MYO7A: variants seen among roughly 807,000 people sequenced by gnomAD.
MYO7A encodes unconventional myosin-VIIa.
A neutral mutation model predicts 263.8 loss-of-function variants in MYO7A; 210 were observed. That is an observed-to-expected ratio of 0.80 (90% CI 0.71 to 0.89). MYO7A has a LOEUF of 0.89. Ranked by LOEUF, MYO7A falls within the 40% of genes least tolerant of loss-of-function variation. MYO7A has a pLI of 0.00. For missense variants in MYO7A, 2,820 were observed against 2,968.3 expected (o/e 0.95, Z 1.16); for synonymous variants, 1,239 against 1,197.3 (o/e 1.03, Z -0.72).
Position 77,179,110 on chromosome 11 carries a change from G to T in MYO7A, c.2348G>T (p.Cys783Phe), listed in dbSNP as rs376014415. Residue 783 changes from cysteine to phenylalanine, a missense_variant, in exon 20 of 49, where the codon TGT becomes TTT. Coordinates refer to ENST00000409709, the MANE Select transcript of MYO7A (RefSeq NM_000260.4). ...LIQRHWRGHN[C>F]RKNYGLMRLG... ...CAGAGGCACTGGCGGGGTCACAACT[G>T]TAGGAAGAACTACGGGCTGGTGAGC... is the stretch of plus-strand genomic sequence containing the variant. The T allele has an allele frequency of 5.0e-6, 8 of 1,604,268 alleles. No individual in the cohort carries two copies. Among genetic ancestry groups the T allele is most frequent in the Non-Finnish European group, 6.8e-6 (8 of 1,175,786 alleles).
chr11:77,211,969 AGGG>A (rs1320771190), intron 46 of MYO7A, 32 bp downstream of exon 46: 8 of 1,542,134 alleles, frequency 5.2e-6, no homozygotes, highest in Non-Finnish European at 7.2e-6. Context: ...GCAGAGGAGG[AGGG>A]GAACAGGGCA....
chr11:77,163,065 A>G, intron 14 of MYO7A, 77 bp downstream of exon 14: 3 of 1,511,276 alleles, frequency 2.0e-6, no homozygotes, highest in Non-Finnish European at 2.7e-6. Context: ...GGAATAAGAT[A>G]TCCGGAATTT....
At chr11:77,150,226 G>GC (rs1417356518) in intron 4 of MYO7A, among the ~76,000 whole-genome samples, 1 of 152,246 alleles carries the variant, frequency 6.6e-6, no homozygotes, top group Non-Finnish European at 1.5e-5. Flanking sequence ...CGGGCCCCCT[G>GC]CAGACCAGTG....
intron 2 of MYO7A, chr11:77,142,409 G>A: frequency 6.5e-6 from 3 of 461,882 alleles, no homozygotes; most frequent in South Asian, 3.4e-5. Flanking sequence ...CACATGTAGG[G>A]TGTAGATCCA....
In MYO7A at chr11:77,194,366, G is replaced by A; in HGVS notation, c.4165G>A (p.Ala1389Thr). The A allele has an allele frequency of 6.2e-7, 1 of 1,612,092 alleles. No homozygotes were observed. The highest frequency in any genetic ancestry group is 8.5e-7 in the Non-Finnish European group (1 of 1,179,078). ...TCCCCCCACCTAGGAGGACGACCTG[G>A]CTGAGCTGGCCTCCCAGCAGTACTT... ...EYRCEKEDDL[A>T]ELASQQYFVD... The change falls in exon 32 of 49, where the codon GCT becomes ACT. Residue 1389 changes from alanine to threonine, a missense_variant. Physicochemically the swap from Ala to Thr is moderately conservative, Grantham distance 58 (BLOSUM62 0). Transcript: ENST00000409709.
In MYO7A at chr11:77,162,105, C is replaced by T. The variant is rs567100465; in HGVS notation, c.1344-15C>T. ...GCCTGAACAACACCCTTACCCCATCCCTGTGCCCCTGCAGCTTTGAGCAGC... is the reference window on the plus strand; with the variant it reads ...GCCTGAACAACACCCTTACCCCATCTCTGTGCCCCTGCAGCTTTGAGCAGC... On this transcript the variant is annotated splice_polypyrimidine_tract_variant and intron_variant, in intron 12 of 48. Coordinates refer to ENST00000409709, the MANE Select transcript of MYO7A (RefSeq NM_000260.4). 6.3e-6 allele frequency: 10 copies of T among 1,586,054 alleles called. No homozygotes were observed. The South Asian group carries it at 8.1e-5, about 13-fold the overall frequency.
In MYO7A at chr11:77,162,914, TC is replaced by T. The variant is rs782077721; in HGVS notation, c.1623del (p.Lys542ArgfsTer80). The part of the protein sequence containing the change: ...NSQHKLNANY[I>X]PPKNNHETQF... ...CAGCACAAGCTCAACGCCAACTACA[TC>T]CCCCCCAAGAACAACCATGAGACCC... On this transcript the variant is annotated frameshift_variant, in exon 14 of 49. Coordinates refer to ENST00000409709, the MANE Select transcript of MYO7A (RefSeq NM_000260.4). LOFTEE classifies it high-confidence loss of function. 3 of 1,612,486 alleles carry T rather than the reference TC, an allele frequency of 1.9e-6. No individual in the cohort carries two copies. Among genetic ancestry groups the T allele is most frequent in the Non-Finnish European group, 1.7e-6 (2 of 1,179,574 alleles).
rs781806681 is a variant in MYO7A at position 77,177,633 on chromosome 11, T to C, written c.2272T>C (p.Phe758Leu). The change falls in exon 19 of 49, where the codon TTC becomes CTC. Residue 758 changes from phenylalanine to leucine, a missense_variant. Transcript: ENST00000409709. The stretch of plus-strand genomic sequence containing the variant: ...CCTCCTTCAGAAAGTCATCCGGGGA[T>C]TCAAAGACAGGTGCGTGTTCCCACC... The part of the protein sequence containing the change: ...VILLQKVIRG[F>L]KDRSNFLKLK... 3 of 1,609,574 alleles carry C rather than the reference T, an allele frequency of 1.9e-6. No homozygotes were observed. Among genetic ancestry groups the C allele is most frequent in the Non-Finnish European group, 2.5e-6 (3 of 1,178,254 alleles).
At chr11:77,214,518 C>A (rs988544337) in intron 48 of MYO7A, 89 bp from the exon 49 acceptor site, 2 of 960,102 alleles carry the variant, frequency 2.1e-6, no homozygotes, top group African/African-American at 3.3e-5. Flanking sequence ...GGGTTCTGCC[C>A]ATTGCAGATT....
chr11:77,162,722 C>T (rs1049018559), intron 13 of MYO7A, 131 bp from the exon 14 acceptor site: 21 of 1,211,484 alleles, frequency 1.7e-5, no homozygotes, highest in South Asian at 1.4e-4. Context: ...TTCCAGAGAG[C>T]GCCTATGTGA....
In MYO7A at chr11:77,214,949, C is replaced by T. The variant is rs780580258; in HGVS notation, c.*253C>T. 16 of 477,006 alleles carry T rather than the reference C, an allele frequency of 3.4e-5. No homozygotes were observed. The highest frequency in any genetic ancestry group is 7.0e-5 in the East Asian group (2 of 28,450). 29.5% of individuals were successfully genotyped at this position (477,006 alleles called of 1,614,324 possible). Reference sequence around the variant, plus strand: ...TAATCCTAGTTTGCTGTGGCCTTCCCGGTTGTGAGAGCCTGTGATCCTTAG... The same window carrying T: ...TAATCCTAGTTTGCTGTGGCCTTCCTGGTTGTGAGAGCCTGTGATCCTTAG... On this transcript the variant is annotated 3_prime_UTR_variant, in exon 49 of 49. Coordinates refer to ENST00000409709, the MANE Select transcript of MYO7A (RefSeq NM_000260.4).
In MYO7A at chr11:77,214,923, CTAAT is replaced by C; in HGVS notation, c.*228_*231del. The stretch of plus-strand genomic sequence containing the variant: ...CCACCCCTCTGGCACCTGGGTTGGT[CTAAT>C]CCTAGTTTGCTGTGGCCTTCCCGGT... On this transcript the variant is annotated 3_prime_UTR_variant, in exon 49 of 49. Coordinates refer to ENST00000409709, the MANE Select transcript of MYO7A (RefSeq NM_000260.4). The C allele has an allele frequency of 1.9e-6, 1 of 527,718 alleles. No homozygotes were observed. Among genetic ancestry groups the C allele is most frequent in the South Asian group, 2.5e-5 (1 of 39,518 alleles). 32.7% of individuals were successfully genotyped at this position (527,718 alleles called of 1,614,324 possible).
At position 77,204,227 on chromosome 11, in the gene MYO7A, C is replaced by G; in HGVS notation, c.5478C>G (p.Ile1826Met). 1 of 1,569,306 alleles carries G rather than the reference C, an allele frequency of 6.4e-7. No homozygotes were observed. Among genetic ancestry groups the G allele is most frequent in the Non-Finnish European group, 8.6e-7 (1 of 1,157,478 alleles). ...TGAAGCAGCTGACCGACAACCACATCAGGTGAGCCAGGCACAGTGGGCGGA... is the reference window on the plus strand; with the variant it reads ...TGAAGCAGCTGACCGACAACCACATGAGGTGAGCCAGGCACAGTGGGCGGA... ...QILKQLTDNH[I>M]RYSEERGWEL... The change falls in exon 39 of 49, where the codon ATC (isoleucine) becomes ATG (methionine). Residue 1826 changes from isoleucine (I) to methionine (M), a missense_variant and splice_region_variant. By Grantham distance (10) the Ile-to-Met change is conservative. Coordinates refer to ENST00000409709, the MANE Select transcript of MYO7A (RefSeq NM_000260.4).
chr11:77,190,195 CGTGT>C (rs143556375), intron 29 of MYO7A, 56 bp downstream of exon 29: 29 of 1,377,108 alleles, frequency 2.1e-5, no homozygotes, highest in African/African-American at 1.0e-4. Context: ...TGTGTAAATG[CGTGT>C]GTGTGTGTGT....
At chr11:77,166,189 C>T (rs376863177) in intron 15 of MYO7A, 27 bp downstream of exon 15, 66 of 1,598,774 alleles carry the variant, frequency 4.1e-5, no homozygotes, top group South Asian at 1.7e-4. Context: ...TTCTGTTGTT[C>T]GGGAAGGGCC....
intron 18 of MYO7A, among the ~76,000 whole-genome samples, chr11:77,176,216 C>G (rs782816574): frequency 5.9e-5 from 9 of 152,222 alleles, no homozygotes; most frequent in Admixed American, 3.9e-4. Context: ...CTGGAGGGAG[C>G]CTGCGGCCTC....
rs114611856 is a variant in MYO7A, at chr11:77,210,499, A to G, written c.6052-653A>G. 5.7e-3 allele frequency among the ~76,000 whole-genome samples: 867 copies of G among 152,260 alleles called. 5 individuals are homozygous for G. Among genetic ancestry groups the G allele is most frequent in the African/African-American group, 0.02 (822 of 41,548 alleles). On this transcript the variant is annotated intron_variant, in intron 44 of 48. Transcript: ENST00000409709. Reference sequence around the variant, plus strand: ...ATAACCACATGGATGGGTGGGTAGGATGGATAATGATTGACTCAGATCTCT... The same window carrying G: ...ATAACCACATGGATGGGTGGGTAGGGTGGATAATGATTGACTCAGATCTCT...
chr11:77,181,544 A>G lies in MYO7A; in HGVS notation c.2859A>G (p.Ser953=). The change falls in exon 23 of 49, where the codon TCA becomes TCG. Residue 953 remains serine, a synonymous_variant. Coordinates refer to ENST00000409709, the MANE Select transcript of MYO7A (RefSeq NM_000260.4). Reference sequence around the variant, plus strand: ...AGATGTTTGGCTTCCTGGGGACTTCAGGTGGCCTGCCAGGCCAGGAGGGCC... The same window carrying G: ...AGATGTTTGGCTTCCTGGGGACTTCGGGTGGCCTGCCAGGCCAGGAGGGCC... ...VDKMFGFLGT[S]GGLPGQEGQA... The G allele has an allele frequency of 6.2e-7, 1 of 1,613,446 alleles. No homozygotes were observed. The highest frequency in any genetic ancestry group is 8.5e-7 in the Non-Finnish European group (1 of 1,179,872).
intron 3 of MYO7A, 55 bp downstream of exon 3, chr11:77,142,877 A>G: frequency 7.1e-7 from 1 of 1,410,160 alleles, no homozygotes; most frequent in Non-Finnish European, 9.8e-7. Context: ...ACCTGGGCTG[A>G]CAGCTGCCTT....
Sources: gnomAD v4.1 joint callset for allele counts (sites outside exome capture counted in the v4.1 genomes callset) on GRCh38, gnomAD v4.1.1 for gene constraint, MANE v1.5 for transcripts, NCBI Gene and HGNC (gene_info 2026-07-23, HGNC 2026-07-21) for gene names.